The following LCLAT1 variants were observed in gnomAD, a reference collection of about 807,000 sequenced individuals.
LCLAT1 encodes the protein lysocardiolipin acyltransferase 1, also known as 1-AGP acyltransferase 8.
LCLAT1 carries 11 observed loss-of-function variants against 30.7 expected under a neutral mutation model. The observed-to-expected ratio is 0.36, with a 90% CI of 0.23 to 0.59. The LOEUF (loss-of-function observed/expected upper bound fraction) is 0.59. Among genes scored for constraint, LCLAT1 ranks in the 20% least tolerant of loss-of-function variants. LCLAT1 has a pLI of 0.77. For missense variants in LCLAT1, 402 were observed against 458.6 expected (o/e 0.88, Z 1.13); for synonymous variants, 155 against 151.3 (o/e 1.02, Z -0.18).
Position 30,468,052 on chromosome 2 carries a change from C to T in LCLAT1, c.-5+20669C>T, listed in dbSNP as rs559089671. Among the ~76,000 whole-genome samples the T allele has an allele frequency of 2.0e-3, 302 of 152,238 alleles. 1 individual carries two copies. The highest frequency in any genetic ancestry group is 6.8e-3 in the Middle Eastern group (2 of 294). ...TGAATGGTATTGCCTAGGTTTTCTT[C>T]TAGGGTTTTTATGGTTTTAGGTCTA... On this transcript the variant is annotated intron_variant, in intron 1 of 5. Transcript: ENST00000379509.
At chr2:30,635,935 G>A (rs1463765628) in intron 5 of LCLAT1, among the ~76,000 whole-genome samples, 3 of 152,168 alleles carry the variant, frequency 2.0e-5, no homozygotes, top group Admixed American at 6.5e-5. Flanking sequence ...GCTAGGTACT[G>A]AGTCTAAAAA....
At chr2:30,580,919 G>A (rs1349949555) in intron 5 of LCLAT1, among the ~76,000 whole-genome samples, 1 of 152,120 alleles carries the variant, frequency 6.6e-6, no homozygotes, top group Non-Finnish European at 1.5e-5. Flanking sequence ...GTTGGCTTTA[G>A]CATCATCATA....
intron 1 of LCLAT1, among the ~76,000 whole-genome samples, chr2:30,519,993 G>A (rs1450694773): frequency 6.6e-6 from 1 of 152,152 alleles, no homozygotes; most frequent in Non-Finnish European, 1.5e-5. Context: ...TGCCGCTCCC[G>A]ATCAGGTAGA....
chr2:30,601,748 A>G (rs1036957428), intron 5 of LCLAT1, among the ~76,000 whole-genome samples: 1 of 151,388 alleles, frequency 6.6e-6, no homozygotes, highest in African/African-American at 2.5e-5. Context: ...CCAGAGATAC[A>G]CCAACAAAGT....
At position 30,552,783 on chromosome 2, in the gene LCLAT1, T is replaced by A. The variant is rs150197205; in HGVS notation, c.365-9363T>A. The A allele has an allele frequency of 4.0e-4, 83 of 206,932 alleles. 1 individual carries two copies. The highest frequency in any genetic ancestry group is 1.8e-3 in the African/African-American group (79 of 43,138). 12.8% of individuals were successfully genotyped at this position (206,932 alleles called of 1,614,324 possible). On this transcript the variant is annotated intron_variant, in intron 3 of 5. Transcript: ENST00000379509. The stretch of plus-strand genomic sequence containing the variant: ...ATTTATTTGTATAACTACTATTAAT[T>A]ATGGACAGATCCATACTCAGTAAAT...
At chr2:30,574,132 G>T (rs1251580581) in intron 5 of LCLAT1, among the ~76,000 whole-genome samples, 1 of 151,868 alleles carries the variant, frequency 6.6e-6, no homozygotes, top group Non-Finnish European at 1.5e-5. Flanking sequence ...ACAGAGCCAA[G>T]ACTCTGTCTC....
intron 1 of LCLAT1, among the ~76,000 whole-genome samples, chr2:30,525,292 G>C (rs371373925): frequency 1.2e-4 from 18 of 152,204 alleles, no homozygotes; most frequent in East Asian, 9.7e-4. Flanking sequence ...GGCCAGGCTG[G>C]TCTCGAACTC....
rs1669340564 is a variant in LCLAT1 at position 30,642,056 on chromosome 2, G to A, written c.*1437G>A. ...CTACTTACTGCTTTATGTACTCTTT[G>A]GGCATTAATGCCTTCTCTGTAATTA... is the stretch of plus-strand genomic sequence containing the variant. On this transcript the variant is annotated 3_prime_UTR_variant, in exon 6 of 6. Transcript: ENST00000379509. 1 of 152,046 alleles carries A rather than the reference G, an allele frequency of 6.6e-6. No homozygotes were observed. The highest frequency in any genetic ancestry group is 1.5e-5 in the Non-Finnish European group (1 of 68,002). The allele number at this position is 152,046 out of a possible 1,614,324, so 9.4% of individuals were successfully genotyped here.
intron 5 of LCLAT1, among the ~76,000 whole-genome samples, chr2:30,577,466 CA>C (rs1367171105): frequency 2.6e-5 from 4 of 152,032 alleles, no homozygotes; most frequent in Non-Finnish European, 4.4e-5. Context: ...ATCAGAAGTG[CA>C]TATGTACACA....
At chr2:30,517,848 T>C (rs1046431797) in intron 1 of LCLAT1, among the ~76,000 whole-genome samples, 4 of 152,170 alleles carry the variant, frequency 2.6e-5, no homozygotes, top group African/African-American at 9.7e-5. Context: ...TTAAAACCTA[T>C]AATTGATAAT....
intron 1 of LCLAT1, among the ~76,000 whole-genome samples, chr2:30,449,943 T>A (rs1681465299): frequency 6.6e-6 from 1 of 152,200 alleles, no homozygotes; most frequent in South Asian, 2.1e-4. Context: ...ATACTTGTGC[T>A]AATTTTTCCA....
At chr2:30,482,236 G>A (rs937398252) in intron 1 of LCLAT1, among the ~76,000 whole-genome samples, 1 of 152,130 alleles carries the variant, frequency 6.6e-6, no homozygotes, top group Non-Finnish European at 1.5e-5. Flanking sequence ...ACTAAGCACT[G>A]TTTCTGTGGT....
chr2:30,570,309 C>T (rs1665725836), intron 5 of LCLAT1, among the ~76,000 whole-genome samples: 1 of 152,024 alleles, frequency 6.6e-6, no homozygotes. Context: ...TAGAAAACAA[C>T]AGTTAGATGA....
chr2:30,521,726 C>T (rs1402492645), intron 1 of LCLAT1, among the ~76,000 whole-genome samples: 3 of 151,582 alleles, frequency 2.0e-5, no homozygotes, highest in Admixed American at 6.6e-5. Flanking sequence ...AGGATGGTCT[C>T]GATCTCCTGA....
At chr2:30,615,749 T>C (rs1383777850) in intron 5 of LCLAT1, among the ~76,000 whole-genome samples, 1 of 152,204 alleles carries the variant, frequency 6.6e-6, no homozygotes, top group East Asian at 1.9e-4. Context: ...CATTCAAATC[T>C]AGTTTGGCTT....
rs765406052 is a variant in LCLAT1, at chr2:30,533,172, TC to T, written c.224del (p.Pro75LeufsTer9). ...TGATTATAACTGGGGATGCATTTGT[TC>T]CTGGAGAAAGAAGTGTCATTATCAT... is the stretch of plus-strand genomic sequence containing the variant. ...KVIITGDAFV[P>X]GERSVIIMNH... On this transcript the variant is annotated frameshift_variant, in exon 3 of 6. Transcript: ENST00000379509. LOFTEE classifies it high-confidence loss of function. The T allele has an allele frequency of 6.2e-7, 1 of 1,614,114 alleles. No homozygotes were observed. Among genetic ancestry groups the T allele is most frequent in the South Asian group, 1.1e-5 (1 of 91,088 alleles).
chr2:30,600,004 G>A (rs1388287846), intron 5 of LCLAT1, among the ~76,000 whole-genome samples: 1 of 152,178 alleles, frequency 6.6e-6, no homozygotes, highest in Non-Finnish European at 1.5e-5. Context: ...TTGTTTCACA[G>A]TGTCATTGGT....
chr2:30,548,103 T>C lies in LCLAT1; in HGVS notation c.365-14043T>C, dbSNP rs192965722. Among the ~76,000 whole-genome samples the C allele has an allele frequency of 4.5e-4, 69 of 152,312 alleles. 1 individual carries two copies. Among genetic ancestry groups the C allele is most frequent in the Non-Finnish European group, 8.4e-4 (57 of 68,028 alleles). On this transcript the variant is annotated intron_variant, in intron 3 of 5. Coordinates refer to ENST00000379509, the MANE Select transcript of LCLAT1 (RefSeq NM_001002257.3). ...TATTGGTATTTGAAACATAAAGTTT[T>C]GGTAATTGTTGATTTTGTAGTTTTG...
intron 5 of LCLAT1, among the ~76,000 whole-genome samples, chr2:30,589,904 G>T (rs978603764): frequency 2.0e-5 from 3 of 152,076 alleles, no homozygotes; most frequent in Admixed American, 2.0e-4. Flanking sequence ...TTCATCCATT[G>T]TTTGAAAAGG....
Sources: allele counts gnomAD v4.1 joint callset (sites outside exome capture counted in the v4.1 genomes callset), GRCh38; gene constraint gnomAD v4.1.1; transcripts MANE v1.5; gene names NCBI Gene and HGNC (gene_info 2026-07-23, HGNC 2026-07-21).